The following AKAP13 variants were observed in gnomAD, a reference collection of about 807,000 sequenced individuals.
The protein encoded by AKAP13 is A-kinase anchoring protein 13.
AKAP13 carries 80 observed loss-of-function variants against 264.5 expected under a neutral mutation model. That is an observed-to-expected ratio of 0.30 (90% CI 0.25 to 0.36). The LOEUF is 0.36. Ranked by LOEUF, AKAP13 falls within the 10% of genes least tolerant of loss-of-function variation. AKAP13 has a pLI of 1.00. For synonymous variants in AKAP13, 1,380 were observed against 1,250.2 expected, an observed-to-expected ratio of 1.10 and a Z score of -2.19; for missense variants, 3,712 against 3,435.2, an observed-to-expected ratio of 1.08 and a Z score of -2.01.
intron 8 of AKAP13, among the ~76,000 whole-genome samples, chr15:85,625,225 A>C (rs934493872): frequency 6.6e-6 from 1 of 152,218 alleles, no homozygotes; most frequent in African/African-American, 2.4e-5. Flanking sequence ...GTCAGTTGCC[A>C]GTCCTATACT....
chr15:85,537,644 T>G (rs2077445698), intron 4 of AKAP13, among the ~76,000 whole-genome samples: 1 of 152,240 alleles, frequency 6.6e-6, no homozygotes. Context: ...TGGGTTTAAC[T>G]TTGCTCTTAC....
chr15:85,653,166 A>G (rs1189886003), intron 10 of AKAP13, among the ~76,000 whole-genome samples: 2 of 152,218 alleles, frequency 1.3e-5, no homozygotes, highest in African/African-American at 2.4e-5. Context: ...TTAAAATAAT[A>G]CCTACCACAA....
rs749404937 is a variant in AKAP13, at chr15:85,620,853, C to T, written c.4162-18521C>T. On this transcript the variant is annotated intron_variant, in intron 8 of 36. Transcript: ENST00000394518. ...CGGAGACTCTGAATAGCTAATTGCTCACAGAAGGCATCCTTGAATCTAAAA... is the reference window on the plus strand; with the variant it reads ...CGGAGACTCTGAATAGCTAATTGCTTACAGAAGGCATCCTTGAATCTAAAA... 8.0e-4 allele frequency among the ~76,000 whole-genome samples: 122 copies of T among 152,228 alleles called. 1 individual carries two copies. The highest frequency in any genetic ancestry group is 4.6e-4 in the Admixed American group (7 of 15,288).
At chr15:85,574,131 AACG>A (rs1245913262) in intron 5 of AKAP13, among the ~76,000 whole-genome samples, 3 of 152,240 alleles carry the variant, frequency 2.0e-5, no homozygotes, top group African/African-American at 7.2e-5. Flanking sequence ...TAGTGACACC[AACG>A]GTTAGGACTT....
At position 85,609,463 on chromosome 15, in the gene AKAP13, G is replaced by T. The variant is rs186861395; in HGVS notation, c.4161+23640G>T. ...TAACAGGATTTCATTATTTTTTACA[G>T]CTGAATAATATTCTGTTGTGTATAT... On this transcript the variant is annotated intron_variant, in intron 8 of 36. Transcript: ENST00000394518. 1.5e-4 allele frequency among the ~76,000 whole-genome samples: 23 copies of T among 152,228 alleles called. No individual in the cohort carries two copies. In the East Asian group the frequency reaches 4.2e-3, roughly 28 times the overall value.
chr15:85,438,480 A>G (rs2073438749), intron 1 of AKAP13, among the ~76,000 whole-genome samples: 2 of 150,740 alleles, frequency 1.3e-5, no homozygotes, highest in Non-Finnish European at 1.5e-5. Flanking sequence ...TAAAGTTCAT[A>G]TGGAACCAAA....
chr15:85,526,406 G>A (rs913031131), intron 3 of AKAP13, among the ~76,000 whole-genome samples: 3 of 151,752 alleles, frequency 2.0e-5, no homozygotes, highest in African/African-American at 7.3e-5. Context: ...ACCATCGTAA[G>A]TGGCACGTGT....
Position 85,743,797 on chromosome 15 carries a change from G to C in AKAP13, c.8364G>C (p.Lys2788Asn), listed in dbSNP as rs35204082. The change falls in exon 36 of 37, where the codon AAG becomes AAC. Residue 2788 changes from lysine to asparagine, a missense_variant. By Grantham distance (94) the Lys-to-Asn change is moderately conservative (BLOSUM62 0). Transcript: ENST00000394518. Reference protein sequence around the residue: ...KPKEKKEKKKKNKTSRSQPGD... With the variant: ...KPKEKKEKKKNNKTSRSQPGD... ...AGGAAAAGAAGGAGAAAAAAAAGAA[G>C]AACAAAACCAGCCGCTCTCAGCCCG... 710 of 1,611,466 alleles carry C rather than the reference G, an allele frequency of 4.4e-4. 5 individuals are homozygous for C. In the African/African-American group the frequency reaches 7.7e-3, roughly 17 times the overall value.
intron 16 of AKAP13, among the ~76,000 whole-genome samples, chr15:85,692,628 C>T (rs915178113): frequency 6.6e-6 from 1 of 152,134 alleles, no homozygotes; most frequent in Admixed American, 6.6e-5. Flanking sequence ...TTATCAGTCT[C>T]CTCTTGCCGG....
At chr15:85,688,519 C>T (rs1047191426) in intron 16 of AKAP13, among the ~76,000 whole-genome samples, 2 of 152,140 alleles carry the variant, frequency 1.3e-5, no homozygotes, top group African/African-American at 2.4e-5. Context: ...TTGAAAATGT[C>T]TGCTTTCCTT....
At chr15:85,425,715 C>CAAAAAAAAAAAAAAAAAA (rs35591622) in intron 1 of AKAP13, among the ~76,000 whole-genome samples, 2 of 92,708 alleles carry the variant, frequency 2.2e-5, no homozygotes, top group East Asian at 9.0e-4. Flanking sequence ...GACTCTGTCT[C>CAAAAAAAAAAAAAAAAAA]AAAAAAAAAA....
rs184195604 is a variant in AKAP13 at position 85,710,542 on chromosome 15, G to A, written c.5533-37G>A. On this transcript the variant is annotated intron_variant, in intron 18 of 36. Coordinates refer to ENST00000394518, the MANE Select transcript of AKAP13 (RefSeq NM_007200.5). Reference sequence around the variant, plus strand: ...ACTCGGCTTCTCAGGGCTTGTCAGAGGTGAATTGTCAATGGACTTACTTTC... The same window carrying A: ...ACTCGGCTTCTCAGGGCTTGTCAGAAGTGAATTGTCAATGGACTTACTTTC... The A allele has an allele frequency of 5.7e-5, 91 of 1,604,336 alleles. No individual in the cohort carries two copies. The African/African-American group carries it at 9.6e-4, about 17-fold the overall frequency.
chr15:85,533,705 A>C lies in AKAP13; in HGVS notation c.303A>C (p.Gln101His). The stretch of plus-strand genomic sequence containing the variant: ...AGGATGAAGCGTATGATGCAGCTCA[A>C]TTCCTAGCAACCAGTGCTGGAAATC... The part of the protein sequence containing the change: ...FVQDEAYDAA[Q>H]FLATSAGNQQ... Residue 101 changes from glutamine to histidine, a missense_variant, in exon 4 of 37, where the codon CAA (glutamine) becomes CAC (histidine). Transcript: ENST00000394518. 1 of 1,614,176 alleles carries C rather than the reference A, an allele frequency of 6.2e-7. No homozygotes were observed. Among genetic ancestry groups the C allele is most frequent in the Non-Finnish European group, 8.5e-7 (1 of 1,180,030 alleles).
chr15:85,466,183 C>T (rs1305472345), intron 1 of AKAP13, among the ~76,000 whole-genome samples: 3 of 149,912 alleles, frequency 2.0e-5, no homozygotes, highest in Non-Finnish European at 4.5e-5. Flanking sequence ...GTCCTTTGCC[C>T]ACTTTTTGAT....
chr15:85,631,373 CTA>C (rs2081796154), intron 8 of AKAP13, among the ~76,000 whole-genome samples: 1 of 151,996 alleles, frequency 6.6e-6, no homozygotes, highest in Non-Finnish European at 1.5e-5. Context: ...TTACACAACT[CTA>C]TGAATATACT....
At chr15:85,650,791 C>CAAAAAAACAAA (rs1191739643) in intron 10 of AKAP13, among the ~76,000 whole-genome samples, 2 of 65,150 alleles carry the variant, frequency 3.1e-5, no homozygotes, top group Non-Finnish European at 6.1e-5. Flanking sequence ...AAAAAAAAAA[C>CAAAAAAACAAA]AACAAAAACT....
At chr15:85,738,241 T>C (rs2088685263) in intron 33 of AKAP13, among the ~76,000 whole-genome samples, 1 of 151,416 alleles carries the variant, frequency 6.6e-6, no homozygotes. Context: ...CTACTAAAAA[T>C]ATTAGCCAGG....
chr15:85,444,451 A>G (rs182655469), intron 1 of AKAP13, among the ~76,000 whole-genome samples: 2 of 152,338 alleles, frequency 1.3e-5, no homozygotes, highest in African/African-American at 4.8e-5. Context: ...AAATGTTTTC[A>G]CATCTCTTAT....
chr15:85,436,473 G>T (rs2073301426), intron 1 of AKAP13, among the ~76,000 whole-genome samples: 3 of 145,926 alleles, frequency 2.1e-5, no homozygotes, highest in South Asian at 2.3e-4. Context: ...GGACCTAATA[G>T]ACATCTACAG....
Sources: gnomAD v4.1 joint callset for allele counts (sites outside exome capture counted in the v4.1 genomes callset) on GRCh38, gnomAD v4.1.1 for gene constraint, MANE v1.5 for transcripts, NCBI Gene and HGNC (gene_info 2026-07-23, HGNC 2026-07-21) for gene names.